The following RBM47 variants were observed in gnomAD, a reference collection of about 807,000 sequenced individuals.
The protein encoded by RBM47 is RNA binding motif protein 47, also known as RNA-binding protein 47.
A neutral mutation model predicts 47.1 loss-of-function variants in RBM47; 21 were observed. The observed-to-expected ratio is 0.45, with a 90% CI of 0.32 to 0.64. The LOEUF (loss-of-function observed/expected upper bound fraction) is 0.64. RBM47 is among the 30% of genes least tolerant of loss of function. RBM47 has a pLI of 0.05. For synonymous variants in RBM47, 375 were observed against 361.7 expected (o/e 1.04, Z -0.42); for missense variants, 708 against 870.9 (o/e 0.81, Z 2.35).
chr4:40,554,154 C>T (rs73809062), intron 1 of RBM47, among the ~76,000 whole-genome samples: 5,540 of 152,216 alleles, frequency 0.036, 359 homozygotes, highest in African/African-American at 0.13. Flanking sequence ...AACGAATGCT[C>T]TCTAAGGCCT....
intron 2 of RBM47, among the ~76,000 whole-genome samples, chr4:40,481,479 TA>T (rs1384472034): frequency 0.033 from 4,142 of 126,768 alleles, 164 homozygotes; most frequent in African/African-American, 0.09. Context: ...TTATTATTAT[TA>T]TTATTATTTT....
chr4:40,429,831 C>T (rs181777956), intron 6 of RBM47, among the ~76,000 whole-genome samples: 1 of 151,906 alleles, frequency 6.6e-6, no homozygotes, highest in Admixed American at 6.6e-5. Flanking sequence ...AATAGGAACA[C>T]CCCTGAGCGC....
At chr4:40,520,182 C>T (rs1382062118) in intron 2 of RBM47, among the ~76,000 whole-genome samples, 1 of 152,002 alleles carries the variant, frequency 6.6e-6, no homozygotes, top group African/African-American at 2.4e-5. Flanking sequence ...ATTAGAATTC[C>T]CCGTGTTCTA....
At chr4:40,470,818 C>G (rs1224692430) in intron 2 of RBM47, among the ~76,000 whole-genome samples, 1 of 152,164 alleles carries the variant, frequency 6.6e-6, no homozygotes, top group East Asian at 1.9e-4. Flanking sequence ...TCTTGAATCG[C>G]TGCAGCCTCT....
chr4:40,424,900 T>C lies in RBM47; in HGVS notation c.*1004A>G, dbSNP rs189909201. ...AATTAAATAGCTATGCAAAGGTGTC[T>C]TATGCAACTCGATTAAAACCTTGTG... On this transcript the variant is annotated 3_prime_UTR_variant, in exon 7 of 7. Transcript: ENST00000295971. 2 of 152,228 alleles carry C rather than the reference T, an allele frequency of 1.3e-5. No individual in the cohort carries two copies. The highest frequency in any genetic ancestry group is 1.3e-4 in the Admixed American group (2 of 15,294). 9.4% of individuals were successfully genotyped at this position (152,228 alleles called of 1,614,324 possible).
At chr4:40,525,403 A>G (rs1450722935) in intron 2 of RBM47, among the ~76,000 whole-genome samples, 1 of 152,226 alleles carries the variant, frequency 6.6e-6, no homozygotes, top group Non-Finnish European at 1.5e-5. Context: ...GTTGCAGATC[A>G]CAGAGTGAGA....
intron 2 of RBM47, among the ~76,000 whole-genome samples, chr4:40,528,948 A>AT (rs79441343): frequency 1.5e-4 from 15 of 102,198 alleles, no homozygotes; most frequent in Admixed American, 4.3e-4. Flanking sequence ...GTCTCAAAAA[A>AT]AAAATAAATA....
intron 2 of RBM47, chr4:40,502,255 T>C (rs1279131512): frequency 1.9e-5 from 3 of 154,350 alleles, no homozygotes; most frequent in Non-Finnish European, 2.9e-5. Flanking sequence ...TCACCTGTTA[T>C]ATTGTTTTCA....
chr4:40,625,720 A>G (rs1737678879), intron 1 of RBM47, among the ~76,000 whole-genome samples: 1 of 152,190 alleles, frequency 6.6e-6, no homozygotes, highest in Admixed American at 6.6e-5. Context: ...CACCATGTTC[A>G]TGAGAACCAC....
At chr4:40,451,051 G>A (rs1363771816) in intron 3 of RBM47, among the ~76,000 whole-genome samples, 2 of 151,810 alleles carry the variant, frequency 1.3e-5, no homozygotes, top group Non-Finnish European at 2.9e-5. Flanking sequence ...TGGCTCTTAC[G>A]AATAGTCAAG....
intron 2 of RBM47, among the ~76,000 whole-genome samples, chr4:40,512,831 TG>T (rs531442733): frequency 1.1e-3 from 169 of 152,104 alleles, no homozygotes; most frequent in Non-Finnish European, 1.9e-3. Context: ...TGGATTCACA[TG>T]GTATGGCTCT....
At chr4:40,526,002 A>G (rs990620554) in intron 2 of RBM47, among the ~76,000 whole-genome samples, 2 of 152,180 alleles carry the variant, frequency 1.3e-5, no homozygotes, top group African/African-American at 4.8e-5. Flanking sequence ...TGCTCAAAGG[A>G]GAGGCAACAA....
intron 1 of RBM47, among the ~76,000 whole-genome samples, chr4:40,565,302 G>A (rs1472137942): frequency 6.6e-6 from 1 of 152,210 alleles, no homozygotes; most frequent in Non-Finnish European, 1.5e-5. Flanking sequence ...GAGCAGGGGA[G>A]CCTCAAGGGC....
At chr4:40,493,018 A>G (rs1722096624) in intron 2 of RBM47, among the ~76,000 whole-genome samples, 1 of 152,230 alleles carries the variant, frequency 6.6e-6, no homozygotes, top group Non-Finnish European at 1.5e-5. Context: ...CATTAAGCAA[A>G]GAAGACAGAA....
rs150368062 is a variant in RBM47 at position 40,548,229 on chromosome 4, C to T, written c.-239-3723G>A. Among the ~76,000 whole-genome samples, 20 of 152,286 alleles carry T rather than the reference C, an allele frequency of 1.3e-4. No individual in the cohort carries two copies. In the East Asian group the frequency reaches 3.9e-3, roughly 29 times the overall value. On this transcript the variant is annotated intron_variant, in intron 1 of 6. Coordinates refer to ENST00000295971, the MANE Select transcript of RBM47 (RefSeq NM_001098634.2). Reference sequence around the variant, plus strand: ...TTACCCGGCAGACACATCTGAAAGACAAGAGGGCATTTTCCAGACAGAACA... The same window carrying T: ...TTACCCGGCAGACACATCTGAAAGATAAGAGGGCATTTTCCAGACAGAACA...
chr4:40,450,877 G>A (rs1715317120), intron 3 of RBM47, among the ~76,000 whole-genome samples: 2 of 152,140 alleles, frequency 1.3e-5, no homozygotes, highest in South Asian at 2.1e-4. Flanking sequence ...TCTGGGGGCA[G>A]GGGGTGCGCA....
chr4:40,473,180 G>C (rs781065297), intron 2 of RBM47, among the ~76,000 whole-genome samples: 13 of 152,124 alleles, frequency 8.5e-5, no homozygotes, highest in Non-Finnish European at 1.8e-4. Flanking sequence ...ATGGCACTAA[G>C]CATTCCACAT....
chr4:40,575,065 G>C (rs1732159785), intron 1 of RBM47, among the ~76,000 whole-genome samples: 1 of 152,056 alleles, frequency 6.6e-6, no homozygotes, highest in Admixed American at 6.6e-5. Context: ...TTTGGTGGTG[G>C]GTGCTACTGG....
intron 2 of RBM47, among the ~76,000 whole-genome samples, chr4:40,522,342 T>G (rs1483208654): frequency 6.6e-6 from 1 of 152,098 alleles, no homozygotes; most frequent in Non-Finnish European, 1.5e-5. Flanking sequence ...CTGTTTCTAC[T>G]AAAAATACAA....
Sources: gnomAD v4.1 joint callset for allele counts (sites outside exome capture counted in the v4.1 genomes callset) on GRCh38, gnomAD v4.1.1 for gene constraint, MANE v1.5 for transcripts, NCBI Gene and HGNC (gene_info 2026-07-23, HGNC 2026-07-21) for gene names.